The following ZNF394 variants were observed in gnomAD, a reference collection of about 807,000 sequenced individuals.
The protein encoded by ZNF394 is zinc finger protein 99.
Under a neutral mutation model 21.8 loss-of-function variants are expected in ZNF394, and 19 were observed. The observed-to-expected ratio is 0.87, with a 90% confidence interval of 0.61 to 1.28. The LOEUF is 1.28. Ranked by LOEUF, ZNF394 falls within the 50% of genes most tolerant of loss-of-function variation. ZNF394 has a pLI of 0.00. For synonymous variants in ZNF394, 294 were observed against 273.3 expected, an observed-to-expected ratio of 1.08 and a Z score of -0.75; for missense variants, 683 against 708.6, an observed-to-expected ratio of 0.96 and a Z score of 0.41.
In ZNF394 at chr7:99,493,879, C is replaced by T; in HGVS notation, c.1336G>A (p.Glu446Lys). ...GAAATATGACAGGTTTCCCCGCATTCCTCACATTTAAAATGTTTGTCTCTA... is the reference window on the plus strand; with the variant it reads ...GAAATATGACAGGTTTCCCCGCATTTCTCACATTTAAAATGTTTGTCTCTA... ...HSRDKHFKCE[E>K]CGETCHISNL... The change falls in exon 3 of 3, where the codon GAA becomes AAA. Residue 446 changes from glutamate to lysine, a missense_variant. Coordinates refer to ENST00000337673, the MANE Select transcript of ZNF394 (RefSeq NM_032164.4). 1 of 1,614,204 alleles carries T rather than the reference C, an allele frequency of 6.2e-7. No homozygotes were observed. Among genetic ancestry groups the T allele is most frequent in the Non-Finnish European group, 8.5e-7 (1 of 1,180,048 alleles).
downstream of ZNF394, among the ~76,000 whole-genome samples, chr7:99,490,624 CTTTTTTTT>C (rs35117471): frequency 2.8e-5 from 4 of 141,176 alleles, no homozygotes; most frequent in Non-Finnish European, 6.2e-5. Flanking sequence ...AAAGTGAGAC[CTTTTTTTT>C]TTTTTTTTTA....
chr7:99,487,538 T>C (rs1455058054), intron 1 of ZNF394: 1 of 1,546,830 alleles, frequency 6.5e-7, no homozygotes, highest in South Asian at 1.2e-5. Context: ...AAACCTCTAC[T>C]TCAAGTGTGT....
intron 2 of ZNF394, among the ~76,000 whole-genome samples, chr7:99,495,085 G>C (rs1225774970): frequency 6.6e-6 from 1 of 152,062 alleles, no homozygotes; most frequent in Non-Finnish European, 1.5e-5. Context: ...GAGTGCAGTG[G>C]CATGATCTCG....
At chr7:99,491,608 TCTA>T (rs1158004959), downstream of ZNF394, among the ~76,000 whole-genome samples, 2 of 151,492 alleles carry the variant, frequency 1.3e-5, no homozygotes, top group East Asian at 3.9e-4. Context: ...AAACCCTGTC[TCTA>T]CTACACTACA....
chr7:99,500,250 C>T lies in ZNF394; in HGVS notation c.-157G>A, dbSNP rs1345464105. The stretch of plus-strand genomic sequence containing the variant: ...ACACTCTCCTTTCCTCAGCTTTGCG[C>T]CTACAACTCTCTCGGTCAAACAACC... On this transcript the variant is annotated 5_prime_UTR_variant, in exon 1 of 3. Coordinates refer to ENST00000337673, the MANE Select transcript of ZNF394 (RefSeq NM_032164.4). 7 of 653,266 alleles carry T rather than the reference C, an allele frequency of 1.1e-5. No individual in the cohort carries two copies. The highest frequency in any genetic ancestry group is 2.6e-5 in the South Asian group (1 of 39,120). 40.5% of individuals were successfully genotyped at this position (653,266 alleles called of 1,614,324 possible). A position where few individuals can be genotyped will look rare whatever the true frequency, so the allele number is the denominator to read the frequency against.
chr7:99,495,848 C>G (rs1800290089), intron 2 of ZNF394, among the ~76,000 whole-genome samples: 1 of 152,110 alleles, frequency 6.6e-6, no homozygotes, highest in Admixed American at 6.5e-5. Context: ...TCTCAAACTC[C>G]TGACCTCAGG....
intron 1 of ZNF394, 25 bp downstream of exon 1, chr7:99,499,613 C>A: frequency 6.5e-7 from 1 of 1,546,234 alleles, no homozygotes; most frequent in Non-Finnish European, 8.7e-7. Flanking sequence ...ACTCCCACCT[C>A]CAGAACAGGC....
downstream of ZNF394, among the ~76,000 whole-genome samples, chr7:99,491,016 C>T (rs1193739001): frequency 2.0e-5 from 3 of 152,056 alleles, no homozygotes; most frequent in East Asian, 1.9e-4. Context: ...AGTGCCCTGA[C>T]TGCTGTTTCC....
At position 99,494,486 on chromosome 7, in the gene ZNF394, C is replaced by T. The variant is rs1389200323; in HGVS notation, c.729G>A (p.Val243=). The change falls in exon 3 of 3, where the codon GTG becomes GTA. Residue 243 remains valine, a synonymous_variant. Coordinates refer to ENST00000337673, the MANE Select transcript of ZNF394 (RefSeq NM_032164.4). ...GCAAGGGGTCTCCGGACTGCTTTTC[C>T]ACCCTGTCCTCATGGGTACTGCCAC... ...SKCGSTHEDR[V]EKQSGDPLPL... is the part of the protein sequence containing the mutation. 2.5e-6 allele frequency: 4 copies of T among 1,613,818 alleles called. No individual in the cohort carries two copies. The highest frequency in any genetic ancestry group is 2.2e-5 in the East Asian group (1 of 44,894).
At chr7:99,491,935 A>G (rs1800170339), downstream of ZNF394, among the ~76,000 whole-genome samples, 1 of 150,858 alleles carries the variant, frequency 6.6e-6, no homozygotes, top group Admixed American at 6.6e-5. Context: ...TTAGCAAGGC[A>G]TGGTGGGGGT....
In ZNF394 at chr7:99,494,400, T is replaced by G. The variant is rs752082340; in HGVS notation, c.815A>C (p.Lys272Thr). 2 of 1,614,236 alleles carry G rather than the reference T, an allele frequency of 1.2e-6. No individual in the cohort carries two copies. The highest frequency in any genetic ancestry group is 1.7e-5 in the Admixed American group (1 of 60,010). ...GTCTTCCCCTTCTATGGAACCATTCTTATTGACATCTGAGATGCTGTTGAG... is the reference window on the plus strand; with the variant it reads ...GTCTTCCCCTTCTATGGAACCATTCGTATTGACATCTGAGATGCTGTTGAG... ...EGLNSISDVNKNGSIEGEDSK... is the reference protein window; with the variant it reads ...EGLNSISDVNTNGSIEGEDSK... The change falls in exon 3 of 3, where the codon AAG (lysine) becomes ACG (threonine). Residue 272 changes from lysine (K) to threonine (T), a missense_variant. This residue lies in a region of ZNF394 where 402 missense variants were observed against 373.8 expected (regional missense o/e 1.08). Transcript: ENST00000337673.
At chr7:99,490,639 T>A (rs1258518027), downstream of ZNF394, among the ~76,000 whole-genome samples, 6 of 147,584 alleles carry the variant, frequency 4.1e-5, no homozygotes, top group African/African-American at 1.5e-4. Flanking sequence ...TTTTTTTTTT[T>A]TTAAAAAAAA....
Position 99,494,474 on chromosome 7 carries a change from G to A in ZNF394, c.741C>T (p.Ser247=), listed in dbSNP as rs145202325. Residue 247 remains serine, a synonymous_variant, in exon 3 of 3, where the codon TCC becomes TCT. Transcript: ENST00000337673. ...CAAGTTTCAGGGGCAAGGGGTCTCC[G>A]GACTGCTTTTCCACCCTGTCCTCAT... The part of the protein sequence containing the change: ...STHEDRVEKQ[S]GDPLPLKLEN... 1.2e-3 allele frequency: 1,973 copies of A among 1,613,922 alleles called. 19 individuals carry two copies. Among genetic ancestry groups the A allele is most frequent in the South Asian group, 6.1e-3 (559 of 91,080 alleles).
At position 99,494,096 on chromosome 7, in the gene ZNF394, G is replaced by A; in HGVS notation, c.1119C>T (p.Leu373=). The A allele has an allele frequency of 1.2e-6, 2 of 1,614,208 alleles. No individual in the cohort carries two copies. Among genetic ancestry groups the A allele is most frequent in the Non-Finnish European group, 1.7e-6 (2 of 1,180,050 alleles). The change falls in exon 3 of 3, where the codon CTC becomes CTT. Residue 373 remains leucine (L), a synonymous_variant. Coordinates refer to ENST00000337673, the MANE Select transcript of ZNF394 (RefSeq NM_032164.4). Reference sequence around the variant, plus strand: ...CTGTGTGGATTCTCTGGTGTCTAAAGAGGTCAGAGCGTTGTTTGAAACTCT... The same window carrying A: ...CTGTGTGGATTCTCTGGTGTCTAAAAAGGTCAGAGCGTTGTTTGAAACTCT... ...CGKSFKQRSD[L]FRHQRIHTGE... is the part of the protein sequence containing the mutation.
chr7:99,490,240 C>G (rs1350598151), downstream of ZNF394, among the ~76,000 whole-genome samples: 1 of 149,804 alleles, frequency 6.7e-6, no homozygotes, highest in Non-Finnish European at 1.5e-5. Context: ...CTGCAACCTC[C>G]GCCTCCTGGG....
chr7:99,497,110 G>GTA (rs1321695847), intron 2 of ZNF394, among the ~76,000 whole-genome samples: 14 of 118,714 alleles, frequency 1.2e-4, no homozygotes, highest in African/African-American at 5.8e-4. Context: ...GTGTGTGTGT[G>GTA]TGTGTGTGTG....
At position 99,493,836 on chromosome 7, in the gene ZNF394, T is replaced by C. The variant is rs1800220557; in HGVS notation, c.1379A>G (p.Gln460Arg). ...GGGTCTTTCCCCTTTATGTAGTCTC[T>C]GATGTCTAAAAAGGTTGGAAATATG... is the stretch of plus-strand genomic sequence containing the variant. ...TCHISNLFRH[Q>R]RLHKGERPYK... The change falls in exon 3 of 3, where the codon CAG becomes CGG. Residue 460 changes from glutamine (Q) to arginine (R), a missense_variant. By Grantham distance (43) the Gln-to-Arg change is conservative (BLOSUM62 1). This residue lies in a region of ZNF394 where 274 missense variants were observed against 314.1 expected (regional missense o/e 0.87). Coordinates refer to ENST00000337673, the MANE Select transcript of ZNF394 (RefSeq NM_032164.4). 1.2e-6 allele frequency: 2 copies of C among 1,613,998 alleles called. No individual in the cohort carries two copies. The highest frequency in any genetic ancestry group is 1.7e-6 in the Non-Finnish European group (2 of 1,180,020).
chr7:99,492,617 G>C (rs1800186723), downstream of ZNF394, among the ~76,000 whole-genome samples: 1 of 146,618 alleles, frequency 6.8e-6, no homozygotes, highest in African/African-American at 2.5e-5. Flanking sequence ...TCCAGCCTGG[G>C]TGACAGAGCG....
chr7:99,495,476 C>T (rs1004147952), intron 2 of ZNF394, among the ~76,000 whole-genome samples: 3 of 150,754 alleles, frequency 2.0e-5, no homozygotes, highest in Non-Finnish European at 3.0e-5. Flanking sequence ...GCACCCACCA[C>T]CACACCCGGC....
Sources: allele counts gnomAD v4.1 joint callset (sites outside exome capture counted in the v4.1 genomes callset), GRCh38; gene constraint gnomAD v4.1.1; regional missense constraint gnomAD v4.1.1; transcripts MANE v1.5; gene names NCBI Gene and HGNC (gene_info 2026-07-23, HGNC 2026-07-21).